HSPA12A: variants seen among roughly 807,000 people sequenced by gnomAD.
The protein encoded by HSPA12A is heat shock protein family A (Hsp70) member 12A.
A neutral mutation model predicts 69.2 loss-of-function variants in HSPA12A; 28 were observed. The ratio of observed to expected loss-of-function variants is 0.40; its 90% CI spans 0.30 to 0.55. HSPA12A has a LOEUF of 0.55. Ranked by LOEUF, HSPA12A falls within the 20% of genes least tolerant of loss-of-function variation. The pLI is 0.38. For synonymous variants in HSPA12A, 345 were observed against 370.5 expected (o/e 0.93, Z 0.79); for missense variants, 686 against 900.7 (o/e 0.76, Z 3.05).
rs899241185 is a variant in HSPA12A at position 116,789,757 on chromosome 10, C to T, written c.91+45178G>A. Reference sequence around the variant, plus strand: ...GAAGCTGACGTGACTGTTCAGTGCCCGTTTGCATTTCTGAAGGGCCTAATG... The same window carrying T: ...GAAGCTGACGTGACTGTTCAGTGCCTGTTTGCATTTCTGAAGGGCCTAATG... On this transcript the variant is annotated intron_variant, in intron 2 of 12. Transcript: ENST00000635765. 2.6e-5 allele frequency among the ~76,000 whole-genome samples: 4 copies of T among 152,252 alleles called. No individual in the cohort carries two copies. The South Asian group carries it at 8.3e-4, about 32-fold the overall frequency.
rs953903167 is a variant in HSPA12A, at chr10:116,672,455, C to T, written c.*2326G>A. On this transcript the variant is annotated 3_prime_UTR_variant, in exon 12 of 12. Coordinates refer to ENST00000369209, the MANE Select transcript of HSPA12A (RefSeq NM_025015.3). Reference sequence around the variant, plus strand: ...GCATGGAGAAGGGTCTGATGAGGCTCCTGATCCAGGCGGTCCACGTGCGTT... The same window carrying T: ...GCATGGAGAAGGGTCTGATGAGGCTTCTGATCCAGGCGGTCCACGTGCGTT... The T allele has an allele frequency of 5.9e-5, 9 of 152,214 alleles. No homozygotes were observed. Among genetic ancestry groups the T allele is most frequent in the Non-Finnish European group, 1.0e-4 (7 of 68,060 alleles). 9.4% of individuals were successfully genotyped at this position (152,214 alleles called of 1,614,324 possible).
At chr10:116,770,967 G>C (rs1844191691) in intron 2 of HSPA12A, among the ~76,000 whole-genome samples, 2 of 151,658 alleles carry the variant, frequency 1.3e-5, no homozygotes, top group Admixed American at 6.6e-5. Flanking sequence ...GCTGGGGGAG[G>C]GGGCAGTGGA....
chr10:116,684,717 A>C (rs1483328912), intron 6 of HSPA12A, among the ~76,000 whole-genome samples: 1 of 152,208 alleles, frequency 6.6e-6, no homozygotes, highest in African/African-American at 2.4e-5. Context: ...GACATATATC[A>C]CATATAGTAA....
chr10:116,713,109 C>T (rs1460133164), intron 1 of HSPA12A, among the ~76,000 whole-genome samples: 1 of 147,306 alleles, frequency 6.8e-6, no homozygotes, highest in East Asian at 2.0e-4. Context: ...CTCTCTCTTT[C>T]TCTCCTTATA....
intron 1 of HSPA12A, chr10:116,849,363 A>T: frequency 3.3e-6 from 2 of 597,512 alleles, no homozygotes; most frequent in Non-Finnish European, 5.0e-6. Context: ...CCCCGGACCT[A>T]ATGCCGCAGG....
At chr10:116,763,704 GA>G in intron 2 of HSPA12A, among the ~76,000 whole-genome samples, 1 of 152,256 alleles carries the variant, frequency 6.6e-6, no homozygotes. Context: ...TCTCCCTCAT[GA>G]ACAAAATGTG....
At chr10:116,746,012 G>A (rs1851640302), upstream of HSPA12A, among the ~76,000 whole-genome samples, 1 of 152,022 alleles carries the variant, frequency 6.6e-6, no homozygotes, top group African/African-American at 2.4e-5. Context: ...GCTCTCCAAA[G>A]TGGGACCAGC....
At chr10:116,830,756 G>C (rs567319680) in intron 2 of HSPA12A, 4 of 143,792 alleles carry the variant, frequency 2.8e-5, no homozygotes, top group Admixed American at 6.7e-5. Context: ...ATGGGAGACA[G>C]AGCAAGACCC....
chr10:116,803,334 C>G (rs1447702896), intron 2 of HSPA12A, among the ~76,000 whole-genome samples: 1 of 152,212 alleles, frequency 6.6e-6, no homozygotes, highest in Non-Finnish European at 1.5e-5. Context: ...TCACAGGGGC[C>G]ACGCAGAGTG....
intron 2 of HSPA12A, among the ~76,000 whole-genome samples, chr10:116,804,238 T>A (rs1344159111): frequency 6.6e-6 from 1 of 152,218 alleles, no homozygotes; most frequent in Non-Finnish European, 1.5e-5. Flanking sequence ...GCTTGTGGGC[T>A]GTTTGGTTCA....
chr10:116,815,692 ACT>A (rs1432440405), intron 2 of HSPA12A, among the ~76,000 whole-genome samples: 3 of 151,786 alleles, frequency 2.0e-5, no homozygotes, highest in Non-Finnish European at 2.9e-5. Flanking sequence ...CAGGGCCCTG[ACT>A]CTGTCATTTT....
intron 1 of HSPA12A, among the ~76,000 whole-genome samples, chr10:116,721,768 T>A (rs570840201): frequency 5.9e-5 from 9 of 152,166 alleles, no homozygotes; most frequent in Admixed American, 4.6e-4. Flanking sequence ...CAGGAAATAA[T>A]GTACATGCTG....
chr10:116,796,163 A>AAAAAAAAAAAAAG (rs1414051045), intron 2 of HSPA12A, among the ~76,000 whole-genome samples: 16 of 138,876 alleles, frequency 1.2e-4, no homozygotes, highest in African/African-American at 3.8e-4. Flanking sequence ...AAAAAAAAAA[A>AAAAAAAAAAAAAG]AAAGAAAGAA....
At chr10:116,700,208 C>A (rs893632262) in intron 4 of HSPA12A, among the ~76,000 whole-genome samples, 1 of 152,258 alleles carries the variant, frequency 6.6e-6, no homozygotes, top group African/African-American at 2.4e-5. Context: ...GCCCCAGAGT[C>A]CGTGTTCTTA....
intron 2 of HSPA12A, among the ~76,000 whole-genome samples, chr10:116,764,801 A>G (rs1197203389): frequency 1.3e-5 from 2 of 152,262 alleles, no homozygotes; most frequent in Non-Finnish European, 2.9e-5. Context: ...CCATCATATG[A>G]GTAGTAGAGA....
chr10:116,808,552 T>C (rs1173795231), intron 2 of HSPA12A, among the ~76,000 whole-genome samples: 1 of 152,172 alleles, frequency 6.6e-6, no homozygotes. Flanking sequence ...TCCTGTAGTT[T>C]AGAGAACTGC....
chr10:116,833,406 A>G (rs943278005), intron 2 of HSPA12A: 7 of 152,230 alleles, frequency 4.6e-5, no homozygotes, highest in Non-Finnish European at 8.8e-5. Context: ...TTAAGTCGTT[A>G]AAAACAAAAC....
chr10:116,790,667 A>C (rs1844684614), intron 2 of HSPA12A, among the ~76,000 whole-genome samples: 1 of 151,424 alleles, frequency 6.6e-6, no homozygotes, highest in African/African-American at 2.4e-5. Context: ...CCATTCCCAG[A>C]CCCCATCTCA....
intron 2 of HSPA12A, among the ~76,000 whole-genome samples, chr10:116,784,005 A>AT (rs1844520724): frequency 1.3e-5 from 2 of 152,188 alleles, no homozygotes; most frequent in South Asian, 4.1e-4. Flanking sequence ...TGCCCAGCCC[A>AT]TTTATGGTTT....
Sources: allele counts gnomAD v4.1 joint callset (sites outside exome capture counted in the v4.1 genomes callset), GRCh38; gene constraint gnomAD v4.1.1; transcripts MANE v1.5; gene names NCBI Gene and HGNC (gene_info 2026-07-23, HGNC 2026-07-21).